Variants in KIF6 observed in about 807,000 individuals in gnomAD.
KIF6 encodes the protein kinesin-like protein KIF6.
Under a neutral mutation model 112.7 loss-of-function variants are expected in KIF6, and 106 were observed. The ratio of observed to expected loss-of-function variants is 0.94; its 90% CI spans 0.80 to 1.11. The LOEUF is 1.11. Ranked by LOEUF, KIF6 falls within the 50% of genes least tolerant of loss-of-function variation. KIF6 has a pLI of 0.00. For missense variants in KIF6, 929 were observed against 964.0 expected (o/e 0.96, Z 0.48); for synonymous variants, 339 against 339.9 (o/e 1.00, Z 0.03).
At chr6:39,515,411 C>T (rs1335080296) in intron 13 of KIF6, among the ~76,000 whole-genome samples, 1 of 152,234 alleles carries the variant, frequency 6.6e-6, no homozygotes, top group Non-Finnish European at 1.5e-5. Context: ...TCTGTGCCCT[C>T]TCCTTGGGCG....
chr6:39,719,612 G>A (rs1430451137), intron 2 of KIF6, among the ~76,000 whole-genome samples: 1 of 152,152 alleles, frequency 6.6e-6, no homozygotes, highest in Non-Finnish European at 1.5e-5. Flanking sequence ...GGAGACTAAA[G>A]AGAATGTGAA....
At chr6:39,697,390 C>T (rs1050074474) in intron 3 of KIF6, among the ~76,000 whole-genome samples, 2 of 152,086 alleles carry the variant, frequency 1.3e-5, no homozygotes, top group Non-Finnish European at 2.9e-5. Context: ...TGCTGTCGGC[C>T]ACATGGAGGA....
intron 1 of KIF6, among the ~76,000 whole-genome samples, chr6:39,723,405 C>T (rs182302151): frequency 2.6e-5 from 4 of 152,138 alleles, no homozygotes; most frequent in South Asian, 2.1e-4. Flanking sequence ...AAAAGGTTTC[C>T]GAAAAGGGGA....
At chr6:39,625,010 T>C (rs1320343137) in intron 5 of KIF6, among the ~76,000 whole-genome samples, 1 of 139,284 alleles carries the variant, frequency 7.2e-6, no homozygotes, top group Non-Finnish European at 1.5e-5. Context: ...AATCCCATGA[T>C]GGTATTAGTA....
chr6:39,357,045 C>T lies in KIF6; in HGVS notation c.2180+232G>A, dbSNP rs115223197. Among the ~76,000 whole-genome samples the T allele has an allele frequency of 5.1e-3, 782 of 152,266 alleles. 8 individuals carry two copies. Among genetic ancestry groups the T allele is most frequent in the African/African-American group, 0.015 (621 of 41,544 alleles). On this transcript the variant is annotated intron_variant, in intron 19 of 22. Coordinates refer to ENST00000287152, the MANE Select transcript of KIF6 (RefSeq NM_145027.6). The stretch of plus-strand genomic sequence containing the variant: ...TTGTGAAACCTCTTGTCTCTTGTTA[C>T]CATGGCAGTAGGTCTACTGGCTGTC...
At chr6:39,576,994 G>GTGTTCTCAATATCTA (rs1781008992) in intron 10 of KIF6, among the ~76,000 whole-genome samples, 1 of 152,220 alleles carries the variant, frequency 6.6e-6, no homozygotes, top group Non-Finnish European at 1.5e-5. Context: ...TTTGAGGTTA[G>GTGTTCTCAATATCTA]TGTTCTCAAT....
At chr6:39,497,427 G>A (rs1458637857) in intron 13 of KIF6, among the ~76,000 whole-genome samples, 7 of 152,124 alleles carry the variant, frequency 4.6e-5, no homozygotes, top group African/African-American at 9.7e-5. Context: ...TGCACCCCTC[G>A]CTTGGGTTCA....
At chr6:39,406,876 G>A (rs1769123997) in intron 15 of KIF6, among the ~76,000 whole-genome samples, 1 of 152,170 alleles carries the variant, frequency 6.6e-6, no homozygotes, top group Non-Finnish European at 1.5e-5. Context: ...AGCCTCCTAA[G>A]TAGCTGGGAC....
chr6:39,577,201 A>G (rs987054038), intron 10 of KIF6, among the ~76,000 whole-genome samples: 1 of 152,260 alleles, frequency 6.6e-6, no homozygotes, highest in South Asian at 2.1e-4. Context: ...AGCTTTGACT[A>G]TAACAGAAAC....
At position 39,536,229 on chromosome 6, in the gene KIF6, G is replaced by A. The variant is rs573977907; in HGVS notation, c.1645+3774C>T. 4.1e-4 allele frequency among the ~76,000 whole-genome samples: 62 copies of A among 151,872 alleles called. No individual in the cohort carries two copies. In the East Asian group the frequency reaches 0.011, roughly 26 times the overall value. The stretch of plus-strand genomic sequence containing the variant: ...AACTAAAATCAGAGCAGAACTGAAG[G>A]AAATAGAGACACAAAAAAACCCTTC... On this transcript the variant is annotated intron_variant, in intron 13 of 22. Coordinates refer to ENST00000287152, the MANE Select transcript of KIF6 (RefSeq NM_145027.6).
intron 6 of KIF6, among the ~76,000 whole-genome samples, chr6:39,612,691 C>T (rs998461584): frequency 6.6e-6 from 1 of 152,140 alleles, no homozygotes. Flanking sequence ...ATGTTCAATG[C>T]ATTGTTCTAA....
At chr6:39,496,880 T>C (rs761004421) in intron 13 of KIF6, among the ~76,000 whole-genome samples, 1 of 152,274 alleles carries the variant, frequency 6.6e-6, no homozygotes, top group Admixed American at 6.5e-5. Flanking sequence ...CTTTGATTTA[T>C]AGCACTTAAT....
intron 3 of KIF6, among the ~76,000 whole-genome samples, chr6:39,677,316 C>T (rs907757258): frequency 6.6e-6 from 1 of 151,922 alleles, no homozygotes; most frequent in African/African-American, 2.4e-5. Flanking sequence ...CATAAATTGA[C>T]AGAATTACAA....
At chr6:39,337,414 G>T (rs1309152708) in intron 22 of KIF6, among the ~76,000 whole-genome samples, 1 of 151,510 alleles carries the variant, frequency 6.6e-6, no homozygotes, top group Non-Finnish European at 1.5e-5. Flanking sequence ...CGGGGTTCAA[G>T]TGATTCTCCT....
At position 39,559,696 on chromosome 6, in the gene KIF6, C is replaced by T. The variant is rs545631996; in HGVS notation, c.1182-14008G>A. 8.6e-5 allele frequency among the ~76,000 whole-genome samples: 13 copies of T among 151,958 alleles called. No homozygotes were observed. The South Asian group carries it at 1.5e-3, about 17-fold the overall frequency. On this transcript the variant is annotated intron_variant, in intron 10 of 22. Coordinates refer to ENST00000287152, the MANE Select transcript of KIF6 (RefSeq NM_145027.6). ...CTATCTCATTTACATTTATTCAGAG[C>T]GTTTATTGACTGCCTATTGTCAACC...
chr6:39,453,871 C>T (rs2150411202), intron 13 of KIF6, among the ~76,000 whole-genome samples: 1 of 152,306 alleles, frequency 6.6e-6, no homozygotes, highest in African/African-American at 2.4e-5. Context: ...GCATAGTTCT[C>T]TCCATATTCC....
At chr6:39,363,020 G>A (rs976392208) in intron 16 of KIF6, among the ~76,000 whole-genome samples, 2 of 152,038 alleles carry the variant, frequency 1.3e-5, no homozygotes, top group African/African-American at 2.4e-5. Flanking sequence ...GTGGTGGCGG[G>A]CGCCTATAAT....
intron 5 of KIF6, among the ~76,000 whole-genome samples, chr6:39,618,958 A>G (rs953085322): frequency 1.3e-5 from 2 of 152,170 alleles, no homozygotes; most frequent in African/African-American, 4.8e-5. Context: ...CACAAAACCA[A>G]TCTGTAACCA....
intron 3 of KIF6, among the ~76,000 whole-genome samples, chr6:39,684,284 T>C (rs302568): frequency 0.89 from 134,812 of 152,150 alleles, 60,285 homozygotes; most frequent in East Asian, 0.97. Flanking sequence ...GGTGGTTTGC[T>C]TGAAGTCAGG....
Sources: allele counts gnomAD v4.1 joint callset (sites outside exome capture counted in the v4.1 genomes callset), GRCh38; gene constraint gnomAD v4.1.1; transcripts MANE v1.5; gene names NCBI Gene and HGNC (gene_info 2026-07-23, HGNC 2026-07-21).